KCNQ1: variants seen among roughly 807,000 people sequenced by gnomAD.
The protein encoded by KCNQ1 is potassium voltage-gated channel subfamily Q member 1.
In KCNQ1, 49 loss-of-function variants were observed where a neutral mutation model predicts 72.4. That is an observed-to-expected ratio of 0.68 (90% CI 0.54 to 0.86). The LOEUF (loss-of-function observed/expected upper bound fraction) is 0.86. Among genes scored for constraint, KCNQ1 ranks in the 40% least tolerant of loss-of-function variants. The probability of loss-of-function intolerance (pLI) is 0.00; values close to 1 mark genes in which losing one functional copy is unlikely to be tolerated. For missense variants in KCNQ1, 790 were observed against 945.1 expected, an observed-to-expected ratio of 0.84 and a Z score of 2.15; for synonymous variants, 450 against 412.6, an observed-to-expected ratio of 1.09 and a Z score of -1.10.
intron 3 of KCNQ1, among the ~76,000 whole-genome samples, chr11:2,571,047 T>C (rs1343251562): frequency 6.6e-6 from 1 of 152,168 alleles, no homozygotes; most frequent in African/African-American, 2.4e-5. Context: ...CTGAGAACCA[T>C]GGTCCAGGCC....
chr11:2,641,069 T>A (rs1336133535), intron 10 of KCNQ1: 1 of 398,438 alleles, frequency 2.5e-6, no homozygotes, highest in Admixed American at 4.4e-5. Flanking sequence ...TATCCACTGA[T>A]GTACACTTAG....
intron 15 of KCNQ1, among the ~76,000 whole-genome samples, chr11:2,797,281 AG>A (rs1342110796): frequency 6.6e-6 from 1 of 152,180 alleles, no homozygotes; most frequent in African/African-American, 2.4e-5. Flanking sequence ...ACAGCCAGCC[AG>A]GAACGGGCCC....
At chr11:2,797,958 G>A (rs1847172317) in intron 15 of KCNQ1, among the ~76,000 whole-genome samples, 1 of 152,166 alleles carries the variant, frequency 6.6e-6, no homozygotes, top group Admixed American at 6.5e-5. Context: ...GCCAACCCAG[G>A]GCACCGCGGT....
Position 2,679,290 on chromosome 11 carries a change from C to T in KCNQ1, c.1514+17209C>T, listed in dbSNP as rs1021671706. ...TCCTTTACTAATCCATAGCCAAAGA[C>T]AGGGGCTAATAACAGGGTCTGGAGT... On this transcript the variant is annotated intron_variant, in intron 11 of 15. Coordinates refer to ENST00000155840, the MANE Select transcript of KCNQ1 (RefSeq NM_000218.3). This position sits in a 1 kb window ranked among gnomAD's most constrained non-coding sequence, Gnocchi z 4.8. 2 of 398,534 alleles carry T rather than the reference C, an allele frequency of 5.0e-6. No individual in the cohort carries two copies. The highest frequency in any genetic ancestry group is 4.1e-5 in the African/African-American group (2 of 48,630). 24.7% of individuals were successfully genotyped at this position (398,534 alleles called of 1,614,324 possible).
chr11:2,699,493 GTGCCGCGCTGAGGAGCCCCCAGGAGA>G, intron 11 of KCNQ1: 1 of 171,434 alleles, frequency 5.8e-6, no homozygotes, highest in African/African-American at 4.9e-5. Context: ...CCCGGGGAGA[GTGCCGCGCTGAGGAGCCCCCAGGAGA>G]GTGCCGCGCT....
intron 11 of KCNQ1, chr11:2,681,131 G>GA (rs2133880677): frequency 5.0e-6 from 2 of 398,558 alleles, no homozygotes; most frequent in East Asian, 7.1e-5. Flanking sequence ...AAGCACCTAT[G>GA]AAAAAATTCT....
rs995071530 is a variant in KCNQ1 at position 2,455,949 on chromosome 11, G to T, written c.386+10465G>T. ...CAACAAAAATATGCCATGGGGAAAA[G>T]ACTTCATATTCAATAATGGCACAGG... On this transcript the variant is annotated intron_variant, in intron 1 of 15. Transcript: ENST00000155840. Among the ~76,000 whole-genome samples, 8 of 152,326 alleles carry T rather than the reference G, an allele frequency of 5.3e-5. No individual in the cohort carries two copies. The South Asian group carries it at 6.2e-4, about 12-fold the overall frequency.
rs2133718924 is a variant in KCNQ1 at position 2,566,307 on chromosome 11, TG to T, written c.478-4319del. ...CCCAGGTCATGTCTGTGCATGAGAGTGGTCAGCCCTCCATGGCAGGCCTGGC... is the reference window on the plus strand; with the variant it reads ...CCCAGGTCATGTCTGTGCATGAGAGTGTCAGCCCTCCATGGCAGGCCTGGC... On this transcript the variant is annotated intron_variant, in intron 2 of 15. Coordinates refer to ENST00000155840, the MANE Select transcript of KCNQ1 (RefSeq NM_000218.3). This position sits in a 1 kb window ranked among gnomAD's most constrained non-coding sequence, Gnocchi z 6.7. 1.3e-5 allele frequency among the ~76,000 whole-genome samples: 2 copies of T among 152,152 alleles called. No individual in the cohort carries two copies. The highest frequency in any genetic ancestry group is 4.8e-5 in the African/African-American group (2 of 41,496).
rs1848989323 is a variant in KCNQ1, at chr11:2,612,270, G to A, written c.1393+23416G>A. 1.8e-5 allele frequency: 7 copies of A among 398,474 alleles called. No individual in the cohort carries two copies. Among genetic ancestry groups the A allele is most frequent in the Admixed American group, 4.4e-5 (1 of 22,716 alleles). 24.7% of individuals were successfully genotyped at this position (398,474 alleles called of 1,614,324 possible). ...CAGAGAGCAAATCCTATTGTGAACT[G>A]AGCATGTGAGGGATCTAGGTTGTGC... is the stretch of plus-strand genomic sequence containing the variant. On this transcript the variant is annotated intron_variant, in intron 10 of 15. Transcript: ENST00000155840. The surrounding 1 kb of genome is among the most constrained non-coding windows in gnomAD (Gnocchi z 5.5).
In KCNQ1 at chr11:2,550,068, G is replaced by T. The variant is rs1386154258; in HGVS notation, c.478-20560G>T. 4.6e-5 allele frequency among the ~76,000 whole-genome samples: 7 copies of T among 152,336 alleles called. No homozygotes were observed. In the South Asian group the frequency reaches 8.3e-4, roughly 18 times the overall value. On this transcript the variant is annotated intron_variant, in intron 2 of 15. Transcript: ENST00000155840. The surrounding 1 kb of genome is among the most constrained non-coding windows in gnomAD (Gnocchi z 6.0). Reference sequence around the variant, plus strand: ...ACTGGACCCCAATGTGCAGGTCTGGGTGTGGATGTATCTGTATGTCTTTGC... The same window carrying T: ...ACTGGACCCCAATGTGCAGGTCTGGTTGTGGATGTATCTGTATGTCTTTGC...
rs186156892 is a variant in KCNQ1, at chr11:2,689,242, C to T, written c.1514+27161C>T. 4.3e-5 allele frequency: 17 copies of T among 398,720 alleles called. No homozygotes were observed. In the Admixed American group the frequency reaches 7.0e-4, roughly 17 times the overall value. 24.7% of individuals were successfully genotyped at this position (398,720 alleles called of 1,614,324 possible). ...AGTGGTTTAGGCCAAGCTTTGAAGT[C>T]AGCCCTTGGAGGACGTTCCTATCAG... On this transcript the variant is annotated intron_variant, in intron 11 of 15. Coordinates refer to ENST00000155840, the MANE Select transcript of KCNQ1 (RefSeq NM_000218.3).
intron 1 of KCNQ1, among the ~76,000 whole-genome samples, chr11:2,503,289 A>T (rs2133647581): frequency 6.6e-6 from 1 of 152,340 alleles, no homozygotes; most frequent in South Asian, 2.1e-4. Context: ...GGGACTAATA[A>T]CCAGAATATG....
At position 2,640,747 on chromosome 11, in the gene KCNQ1, A is replaced by G. The variant is rs1849562371; in HGVS notation, c.1394-21214A>G. 1.0e-5 allele frequency: 4 copies of G among 398,470 alleles called. No individual in the cohort carries two copies. In the East Asian group the frequency reaches 1.1e-4, roughly 11 times the overall value. 24.7% of individuals were successfully genotyped at this position (398,470 alleles called of 1,614,324 possible). ...TACATTATATTGTTAAATATAGTCAACCAACTCTTATCAAACATTATAAAT... is the reference window on the plus strand; with the variant it reads ...TACATTATATTGTTAAATATAGTCAGCCAACTCTTATCAAACATTATAAAT... On this transcript the variant is annotated intron_variant, in intron 10 of 15. Transcript: ENST00000155840.
chr11:2,778,111 G>A (rs904300690), intron 15 of KCNQ1, 74 bp downstream of exon 15: 54 of 1,425,674 alleles, frequency 3.8e-5, no homozygotes, highest in Non-Finnish European at 4.9e-5. Flanking sequence ...TGTGGTCTGC[G>A]TGTGAACGTG....
In KCNQ1 at chr11:2,715,491, G is replaced by A. The variant is rs369448108; in HGVS notation, c.1515-53353G>A. 2.6e-5 allele frequency among the ~76,000 whole-genome samples: 4 copies of A among 152,198 alleles called. No homozygotes were observed. Among genetic ancestry groups the A allele is most frequent in the Non-Finnish European group, 4.4e-5 (3 of 67,972 alleles). ...GGCTCAGGCAGGGGCATGTGTGAAG[G>A]CCCAGGGGGAAGAGAGCAGCCAGGT... On this transcript the variant is annotated intron_variant, in intron 11 of 15. Transcript: ENST00000155840. The surrounding 1 kb of genome is among the most constrained non-coding windows in gnomAD (Gnocchi z 4.9).
chr11:2,692,779 T>C, intron 11 of KCNQ1: 1 of 398,662 alleles, frequency 2.5e-6, no homozygotes, highest in Non-Finnish European at 4.4e-6. Flanking sequence ...TGCTGAGTGT[T>C]TGACAAATAT....
At chr11:2,558,522 C>G (rs970188622) in intron 2 of KCNQ1, among the ~76,000 whole-genome samples, 1 of 152,194 alleles carries the variant, frequency 6.6e-6, no homozygotes, top group Non-Finnish European at 1.5e-5. Flanking sequence ...CTCTGCCTAG[C>G]GCCATCTGCC....
intron 11 of KCNQ1, among the ~76,000 whole-genome samples, chr11:2,726,972 G>A (rs1001670339): frequency 8.5e-5 from 13 of 152,238 alleles, no homozygotes; most frequent in African/African-American, 1.4e-4. Flanking sequence ...GCCCCCAGGT[G>A]AAGGGTTGGC....
intron 11 of KCNQ1, among the ~76,000 whole-genome samples, chr11:2,749,676 G>A (rs942973087): frequency 6.8e-5 from 10 of 146,122 alleles, no homozygotes; most frequent in Admixed American, 2.7e-4. Flanking sequence ...GTCCGGGCGC[G>A]GTGGCGGGCG....
Sources: gnomAD v4.1 joint callset for allele counts (sites outside exome capture counted in the v4.1 genomes callset) on GRCh38, gnomAD v4.1.1 for gene constraint, Gnocchi (gnomAD v3.1) non-coding constraint, MANE v1.5 for transcripts, NCBI Gene and HGNC (gene_info 2026-07-23, HGNC 2026-07-21) for gene names.